Variants in TAS1R3 observed in about 807,000 individuals in gnomAD.
TAS1R3 encodes the protein taste 1 receptor member 3.
In TAS1R3, 58 loss-of-function variants were observed where a neutral mutation model predicts 46.1. The observed-to-expected ratio is 1.26, with a 90% CI of 1.02 to 1.57. The LOEUF is 1.57. TAS1R3 is among the 40% of genes most tolerant of loss of function. The pLI is 0.00. For synonymous variants in TAS1R3, 724 were observed against 544.7 expected (o/e 1.33, Z -4.58); for missense variants, 1,422 against 1,185.8 (o/e 1.20, Z -2.93).
At position 1,334,231 on chromosome 1, in the gene TAS1R3, G is replaced by A; in HGVS notation, c.2326G>A (p.Val776Ile). 6.2e-7 allele frequency: 1 copy of A among 1,610,802 alleles called. No individual in the cohort carries two copies. The highest frequency in any genetic ancestry group is 2.2e-5 in the East Asian group (1 of 44,830). Residue 776 changes from valine (V) to isoleucine (I), a missense_variant, in exon 6 of 6, where the codon GTC (valine) becomes ATC (isoleucine). Coordinates refer to ENST00000339381, the MANE Select transcript of TAS1R3 (RefSeq NM_152228.3). ...FAMLAYFITW[V>I]SFVPLLANVQ... ...CATGCTGGCCTACTTCATCACCTGG[G>A]TCTCCTTTGTGCCCCTCCTGGCCAA... is the stretch of plus-strand genomic sequence containing the variant.
chr1:1,334,212 G>A lies in TAS1R3; in HGVS notation c.2307G>A (p.Leu769=), dbSNP rs774906282. The change falls in exon 6 of 6, where the codon CTG becomes CTA. Residue 769 remains leucine (L), a synonymous_variant. Coordinates refer to ENST00000339381, the MANE Select transcript of TAS1R3 (RefSeq NM_152228.3). ...NRARGLTFAM[L]AYFITWVSFV... ...CCCGTGGCCTCACCTTTGCCATGCTGGCCTACTTCATCACCTGGGTCTCCT... is the reference window on the plus strand; with the variant it reads ...CCCGTGGCCTCACCTTTGCCATGCTAGCCTACTTCATCACCTGGGTCTCCT... The A allele has an allele frequency of 1.5e-5, 24 of 1,608,190 alleles. No individual in the cohort carries two copies. Among genetic ancestry groups the A allele is most frequent in the Non-Finnish European group, 2.0e-5 (24 of 1,177,946 alleles).
In TAS1R3 at chr1:1,331,923, C is replaced by T; in HGVS notation, c.477C>T (p.Phe159=). The change falls in exon 2 of 6, where the codon TTC becomes TTT. Residue 159 remains phenylalanine, a synonymous_variant. Coordinates refer to ENST00000339381, the MANE Select transcript of TAS1R3 (RefSeq NM_152228.3). ...LAMVTGKFFS[F]FLMPQVSYGA... is the part of the protein sequence containing the mutation. ...TGGTCACCGGCAAGTTCTTCAGCTTCTTCCTCATGCCCCAGGTGGGCGCCC... is the reference window on the plus strand; with the variant it reads ...TGGTCACCGGCAAGTTCTTCAGCTTTTTCCTCATGCCCCAGGTGGGCGCCC... 1 of 1,611,494 alleles carries T rather than the reference C, an allele frequency of 6.2e-7. No individual in the cohort carries two copies. Among genetic ancestry groups the T allele is most frequent in the Non-Finnish European group, 8.5e-7 (1 of 1,179,082 alleles).
At position 1,333,634 on chromosome 1, in the gene TAS1R3, A is replaced by G. The variant is rs1358436585; in HGVS notation, c.1729A>G (p.Ser577Gly). ...PAVLLLLLLL[S>G]LALGLVLAAL... ...TGTGCTGCTGCTGCTCCTGCTGCTG[A>G]GCCTGGCGCTGGGCCTTGTGCTGGC... is the stretch of plus-strand genomic sequence containing the variant. The change falls in exon 6 of 6, where the codon AGC (serine) becomes GGC (glycine). Residue 577 changes from serine to glycine, a missense_variant. Transcript: ENST00000339381. 1.9e-6 allele frequency: 3 copies of G among 1,611,672 alleles called. 1 individual carries two copies. The Middle Eastern group carries it at 5.0e-4, about 266-fold the overall frequency.
rs771838447 is a variant in TAS1R3, at chr1:1,332,978, G to GA, written c.1334dup (p.Asp445GlufsTer47). On this transcript the variant is annotated frameshift_variant, in exon 4 of 6. Coordinates refer to ENST00000339381, the MANE Select transcript of TAS1R3 (RefSeq NM_152228.3). LOFTEE classifies it high-confidence loss of function. ...CGTGGGCGGGCTGCCGCTGCGGTTC[G>GA]ACAGCAGCGGAAACGTGGACATGGA... 3.7e-5 allele frequency: 60 copies of GA among 1,612,296 alleles called. No homozygotes were observed. The highest frequency in any genetic ancestry group is 5.0e-5 in the Non-Finnish European group (59 of 1,179,652).
chr1:1,332,727 G>C lies in TAS1R3; in HGVS notation c.1196G>C (p.Ser399Thr). The C allele has an allele frequency of 6.2e-7, 1 of 1,604,428 alleles. No individual in the cohort carries two copies. Among genetic ancestry groups the C allele is most frequent in the Non-Finnish European group, 8.5e-7 (1 of 1,179,884 alleles). The stretch of plus-strand genomic sequence containing the variant: ...TTCTCTGTCTACGCAGCTGTGTATA[G>C]CGTGGCCCAGGCCCTGCACAACACT... Reference protein sequence around the residue: ...QTFSVYAAVYSVAQALHNTLQ... With the variant: ...QTFSVYAAVYTVAQALHNTLQ... The change falls in exon 3 of 6, where the codon AGC becomes ACC. Residue 399 changes from serine (S) to threonine (T), a missense_variant. By Grantham distance (58) the Ser-to-Thr change is moderately conservative. Coordinates refer to ENST00000339381, the MANE Select transcript of TAS1R3 (RefSeq NM_152228.3).
rs373037624 is a variant in TAS1R3, at chr1:1,332,233, C to G, written c.702C>G (p.Gly234=). ...TCTCGGCCCTGGCCGCGGCACGCGGCATCTGCATCGCGCACGAGGGCCTGG... is the reference window on the plus strand; with the variant it reads ...TCTCGGCCCTGGCCGCGGCACGCGGGATCTGCATCGCGCACGAGGGCCTGG... ...SIFSALAAAR[G]ICIAHEGLVP... The change falls in exon 3 of 6, where the codon GGC becomes GGG. Residue 234 remains glycine, a synonymous_variant. Transcript: ENST00000339381. 4.4e-6 allele frequency: 7 copies of G among 1,593,992 alleles called. No individual in the cohort carries two copies. In the African/African-American group the frequency reaches 6.7e-5, roughly 15 times the overall value.
Position 1,332,731 on chromosome 1 carries a change from G to A in TAS1R3, c.1200G>A (p.Val400=). 6.2e-7 allele frequency: 1 copy of A among 1,604,660 alleles called. No homozygotes were observed. ...CTGTCTACGCAGCTGTGTATAGCGT[G>A]GCCCAGGCCCTGCACAACACTCTTC... ...TFSVYAAVYS[V]AQALHNTLQC... The change falls in exon 3 of 6, where the codon GTG becomes GTA. Residue 400 remains valine, a synonymous_variant. Transcript: ENST00000339381.
rs924936837 is a variant in TAS1R3, at chr1:1,334,346, G to A, written c.2441G>A (p.Cys814Tyr). The change falls in exon 6 of 6, where the codon TGT (cysteine) becomes TAT (tyrosine). Residue 814 changes from cysteine (C) to tyrosine (Y), a missense_variant. Coordinates refer to ENST00000339381, the MANE Select transcript of TAS1R3 (RefSeq NM_152228.3). Reference sequence around the variant, plus strand: ...CTGGCTGCCTTCCACCTGCCCAGGTGTTACCTGCTCATGCGGCAGCCAGGG... The same window carrying A: ...CTGGCTGCCTTCCACCTGCCCAGGTATTACCTGCTCATGCGGCAGCCAGGG... ...GILAAFHLPR[C>Y]YLLMRQPGLN... 3 of 1,611,752 alleles carry A rather than the reference G, an allele frequency of 1.9e-6. No homozygotes were observed. Among genetic ancestry groups the A allele is most frequent in the East Asian group, 2.2e-5 (1 of 44,830 alleles).
rs1643513599 is a variant in TAS1R3 at position 1,334,521 on chromosome 1, G to A, written c.*57G>A. 3 of 1,442,862 alleles carry A rather than the reference G, an allele frequency of 2.1e-6. No individual in the cohort carries two copies. Among genetic ancestry groups the A allele is most frequent in the Non-Finnish European group, 2.7e-6 (3 of 1,096,372 alleles). The allele number at this position is 1,442,862 out of a possible 1,614,324, so 89.4% of individuals were successfully genotyped here. A position where few individuals can be genotyped will look rare whatever the true frequency, so the allele number is the denominator to read the frequency against. On this transcript the variant is annotated 3_prime_UTR_variant, in exon 6 of 6. Coordinates refer to ENST00000339381, the MANE Select transcript of TAS1R3 (RefSeq NM_152228.3). Reference sequence around the variant, plus strand: ...CAGACTTAGCTGCGATCCCCCCCAAGCCAGCAATGACCCGTGTCTCGCTAC... The same window carrying A: ...CAGACTTAGCTGCGATCCCCCCCAAACCAGCAATGACCCGTGTCTCGCTAC...
rs1048217751 is a variant in TAS1R3, at chr1:1,331,425, A to G, written c.80A>G (p.Gln27Arg). Residue 27 changes from glutamine (Q) to arginine (R), a missense_variant, in exon 1 of 6, where the codon CAG becomes CGG. Coordinates refer to ENST00000339381, the MANE Select transcript of TAS1R3 (RefSeq NM_152228.3). Reference protein sequence around the residue: ...PGTGAPLCLSQQLRMKGDYVL... With the variant: ...PGTGAPLCLSRQLRMKGDYVL... ...ACGGGGGCCCCATTGTGCCTGTCAC[A>G]GCAACTTAGGATGAAGGGGGACTAC... is the stretch of plus-strand genomic sequence containing the variant. 6.2e-7 allele frequency: 1 copy of G among 1,605,630 alleles called. No homozygotes were observed. Among genetic ancestry groups the G allele is most frequent in the African/African-American group, 1.3e-5 (1 of 74,452 alleles).
Position 1,332,597 on chromosome 1 carries a change from G to C in TAS1R3, c.1066G>C (p.Glu356Gln). The change falls in exon 3 of 6, where the codon GAG becomes CAG. Residue 356 changes from glutamate to glutamine, a missense_variant. By Grantham distance (29) the Glu-to-Gln change is conservative. Transcript: ENST00000339381. ...TDPAFCSALG[E>Q]REQGLEEDVV... The stretch of plus-strand genomic sequence containing the variant: ...CCCGGCCTTCTGCTCTGCCCTGGGC[G>C]AGAGGGAGCAGGGTCTGGAGGAGGA... 4.3e-6 allele frequency: 7 copies of C among 1,611,226 alleles called. No individual in the cohort carries two copies. Among genetic ancestry groups the C allele is most frequent in the Non-Finnish European group, 5.9e-6 (7 of 1,179,924 alleles).
Position 1,331,402 on chromosome 1 carries a change from G to A in TAS1R3, c.57G>A (p.Thr19=), listed in dbSNP as rs368625316. The A allele has an allele frequency of 8.8e-5, 141 of 1,605,004 alleles. No homozygotes were observed. The highest frequency in any genetic ancestry group is 1.0e-4 in the Admixed American group (6 of 58,054). The change falls in exon 1 of 6, where the codon ACG becomes ACA. Residue 19 remains threonine, a synonymous_variant. Coordinates refer to ENST00000339381, the MANE Select transcript of TAS1R3 (RefSeq NM_152228.3). ...TCTGGGCTCTCCTGCACCCTGGGAC[G>A]GGGGCCCCATTGTGCCTGTCACAGC... ...LSLWALLHPG[T]GAPLCLSQQL... is the part of the protein sequence containing the mutation.
At chr1:1,331,973 GCCC>G in intron 2 of TAS1R3, 35 bp downstream of exon 2, 1 of 676,032 alleles carries the variant, frequency 1.5e-6, no homozygotes, top group Non-Finnish European at 2.5e-6. Flanking sequence ...CCCCCACCCA[GCCC>G]TGCCCGTGGG....
chr1:1,333,856 C>G lies in TAS1R3; in HGVS notation c.1951C>G (p.Leu651Val). 6.2e-7 allele frequency: 1 copy of G among 1,600,596 alleles called. No individual in the cohort carries two copies. The highest frequency in any genetic ancestry group is 8.5e-7 in the Non-Finnish European group (1 of 1,179,806). Residue 651 changes from leucine to valine, a missense_variant, in exon 6 of 6, where the codon CTC becomes GTC. Coordinates refer to ENST00000339381, the MANE Select transcript of TAS1R3 (RefSeq NM_152228.3). ...CCCGCTCACGGGCTGCCTGAGCACA[C>G]TCTTCCTGCAGGCGGCCGAGATCTT... Reference protein sequence around the residue: ...HLPLTGCLSTLFLQAAEIFVE... With the variant: ...HLPLTGCLSTVFLQAAEIFVE...
At chr1:1,332,841 C>T (rs1165500860) in intron 3 of TAS1R3, 35 bp downstream of exon 3, 1 of 1,591,792 alleles carries the variant, frequency 6.3e-7, no homozygotes, top group Non-Finnish European at 8.6e-7. Flanking sequence ...CTGTCCTCTG[C>T]ATGTGCCCAG....
Position 1,332,711 on chromosome 1 carries a change from T to C in TAS1R3, c.1180T>C (p.Tyr394His), listed in dbSNP as rs1388996970. The change falls in exon 3 of 6, where the codon TAC becomes CAC. Residue 394 changes from tyrosine to histidine, a missense_variant. Physicochemically the swap from Tyr to His is moderately conservative, Grantham distance 83. Transcript: ENST00000339381. ...GLNHHQTFSV[Y>H]AAVYSVAQAL... ...AAATCACCACCAGACGTTCTCTGTC[T>C]ACGCAGCTGTGTATAGCGTGGCCCA... is the stretch of plus-strand genomic sequence containing the variant. 6.2e-7 allele frequency: 1 copy of C among 1,604,246 alleles called. No individual in the cohort carries two copies. Among genetic ancestry groups the C allele is most frequent in the Non-Finnish European group, 8.5e-7 (1 of 1,179,856 alleles).
At position 1,331,498 on chromosome 1, in the gene TAS1R3, C is replaced by G. The variant is rs764567824; in HGVS notation, c.153C>G (p.Leu51=). 4.4e-6 allele frequency: 7 copies of G among 1,604,826 alleles called. No homozygotes were observed. Residue 51 remains leucine, a synonymous_variant, in exon 1 of 6, where the codon CTC becomes CTG. Transcript: ENST00000339381. ...FPLGEAEEAG[L]RSRTRPSSPV... is the part of the protein sequence containing the mutation. The stretch of plus-strand genomic sequence containing the variant: ...TGGGCGAGGCCGAGGAGGCTGGCCT[C>G]CGCAGCCGGACACGGCCCAGCAGCC...
In TAS1R3 at chr1:1,331,929, C is replaced by T. The variant is rs749915370; in HGVS notation, c.483C>T (p.Leu161=). The part of the protein sequence containing the change: ...MVTGKFFSFF[L]MPQVSYGASM... ...CCGGCAAGTTCTTCAGCTTCTTCCT[C>T]ATGCCCCAGGTGGGCGCCCCCCACC... is the stretch of plus-strand genomic sequence containing the variant. Residue 161 remains leucine, a synonymous_variant, in exon 2 of 6, where the codon CTC becomes CTT. Coordinates refer to ENST00000339381, the MANE Select transcript of TAS1R3 (RefSeq NM_152228.3). 30 of 1,610,460 alleles carry T rather than the reference C, an allele frequency of 1.9e-5. No individual in the cohort carries two copies. Among genetic ancestry groups the T allele is most frequent in the Non-Finnish European group, 2.1e-5 (25 of 1,178,858 alleles).
In TAS1R3 at chr1:1,333,124, G is replaced by A. The variant is rs1202332900; in HGVS notation, c.1479G>A (p.Gln493=). The change falls in exon 4 of 6, where the codon CAG becomes CAA. Residue 493 remains glutamine (Q), a splice_region_variant and synonymous_variant. Transcript: ENST00000339381. ...LKIRWHTSDN[Q]KPVSRCSRQC... is the part of the protein sequence containing the mutation. ...TCCGCTGGCACACGTCTGACAACCAGGTGAGGTGAGGGTGGGTGTGCCAGG... is the reference window on the plus strand; with the variant it reads ...TCCGCTGGCACACGTCTGACAACCAAGTGAGGTGAGGGTGGGTGTGCCAGG... The A allele has an allele frequency of 6.2e-7, 1 of 1,610,308 alleles. No homozygotes were observed. Among genetic ancestry groups the A allele is most frequent in the Non-Finnish European group, 8.5e-7 (1 of 1,179,064 alleles).
Sources: gnomAD v4.1 joint callset for allele counts on GRCh38, gnomAD v4.1.1 for gene constraint, MANE v1.5 for transcripts, NCBI Gene and HGNC (gene_info 2026-07-23, HGNC 2026-07-21) for gene names.